Variants in OAS1 observed in about 807,000 individuals in gnomAD.
The protein encoded by OAS1 is 2'-5'-oligoadenylate synthase 1.
A neutral mutation model predicts 38.5 loss-of-function variants in OAS1; 24 were observed. The ratio of observed to expected loss-of-function variants is 0.62; its 90% CI spans 0.45 to 0.88. The LOEUF (loss-of-function observed/expected upper bound fraction) is 0.88, where lower values mean the gene tolerates loss of function less well. Among genes scored for constraint, OAS1 ranks in the 40% least tolerant of loss-of-function variants. The probability of loss-of-function intolerance (pLI) is 0.00; values close to 1 mark genes in which losing one functional copy is unlikely to be tolerated. For synonymous variants in OAS1, 169 were observed against 193.9 expected (o/e 0.87, Z 1.07); for missense variants, 482 against 493.9 (o/e 0.98, Z 0.23).
At chr12:112,926,836 T>C (rs1184564256) in intron 6 of OAS1, among the ~76,000 whole-genome samples, 1 of 152,164 alleles carries the variant, frequency 6.6e-6, no homozygotes, top group Admixed American at 6.5e-5. Context: ...GCGTGTTTCA[T>C]CCCTTATCTG....
At chr12:112,925,415 T>A (rs188567118) in intron 6 of OAS1, among the ~76,000 whole-genome samples, 418 of 152,278 alleles carry the variant, frequency 2.7e-3, no homozygotes, top group Non-Finnish European at 4.3e-3. Flanking sequence ...TTCAGGCAGA[T>A]CAAACCCAGG....
intron 5 of OAS1, chr12:112,918,278 G>A: frequency 5.4e-6 from 1 of 185,402 alleles, no homozygotes; most frequent in Non-Finnish European, 1.1e-5. Flanking sequence ...TCTGTTTCTG[G>A]GTTAATTCAC....
At chr12:112,907,386 C>G (rs1331969958) in intron 1 of OAS1, among the ~76,000 whole-genome samples, 167 bp downstream of exon 1, 1 of 152,200 alleles carries the variant, frequency 6.6e-6, no homozygotes, top group East Asian at 1.9e-4. Flanking sequence ...TTTATCCACA[C>G]AGCATGTTAA....
intron 5 of OAS1, chr12:112,918,291 C>T (rs935986265): frequency 1.1e-4 from 21 of 184,812 alleles, no homozygotes; most frequent in Non-Finnish European, 1.8e-4. Context: ...TAATTCACTT[C>T]GGATAATGGC....
intron 3 of OAS1, among the ~76,000 whole-genome samples, chr12:112,914,079 C>T (rs934678405): frequency 2.0e-5 from 3 of 152,132 alleles, no homozygotes; most frequent in African/African-American, 7.2e-5. Flanking sequence ...TCTTTTAACC[C>T]TTGCCACACC....
intron 2 of OAS1, among the ~76,000 whole-genome samples, chr12:112,909,666 T>A (rs2043348955): frequency 6.6e-6 from 1 of 152,136 alleles, no homozygotes; most frequent in African/African-American, 2.4e-5. Flanking sequence ...CAAGACCCTG[T>A]CTCAATCAAT....
At chr12:112,907,333 G>A in intron 1 of OAS1, 114 bp downstream of exon 1, 1 of 984,698 alleles carries the variant, frequency 1.0e-6, no homozygotes, top group African/African-American at 1.6e-5. Flanking sequence ...GGGTGCAAAT[G>A]TGAGTACAGA....
chr12:112,910,729 G>A (rs769425961), intron 2 of OAS1, among the ~76,000 whole-genome samples: 12 of 152,172 alleles, frequency 7.9e-5, no homozygotes, highest in Admixed American at 4.6e-4. Flanking sequence ...AGATCTTTGG[G>A]TTTTAAAATT....
At chr12:112,922,496 C>T (rs1016461856), downstream of OAS1, among the ~76,000 whole-genome samples, 6 of 152,138 alleles carry the variant, frequency 3.9e-5, no homozygotes, top group African/African-American at 1.2e-4. Context: ...CCAACCTCAC[C>T]ATTCATTATA....
At chr12:112,920,863 G>T (rs368588975), downstream of OAS1, among the ~76,000 whole-genome samples, 15 of 152,296 alleles carry the variant, frequency 9.8e-5, no homozygotes, top group Admixed American at 2.6e-4. Context: ...ATAATATTAA[G>T]TGGAATAACT....
At chr12:112,918,690 C>T (rs1025715710) in intron 5 of OAS1, 1 of 455,468 alleles carries the variant, frequency 2.2e-6, no homozygotes, top group Admixed American at 2.4e-5. Flanking sequence ...GACTCTAAAG[C>T]CAGTGCTCAT....
chr12:112,909,492 C>G (rs768760212), intron 2 of OAS1, among the ~76,000 whole-genome samples: 15 of 152,202 alleles, frequency 9.9e-5, no homozygotes, highest in Non-Finnish European at 1.9e-4. Context: ...AACCTCATCT[C>G]TACTAAAAAT....
intron 6 of OAS1, among the ~76,000 whole-genome samples, chr12:112,927,170 G>T (rs1459587596): frequency 6.6e-6 from 1 of 152,182 alleles, no homozygotes; most frequent in African/African-American, 2.4e-5. Flanking sequence ...AGGGTCCTGA[G>T]GCAACATACA....
intron 6 of OAS1, among the ~76,000 whole-genome samples, chr12:112,926,321 T>C (rs17238020): frequency 0.029 from 4,428 of 152,228 alleles, 97 homozygotes; most frequent in Non-Finnish European, 0.04. Flanking sequence ...AATGCATGTA[T>C]TTGAGGAGTA....
chr12:112,923,901 CA>C (rs35847220), downstream of OAS1, among the ~76,000 whole-genome samples: 113,154 of 152,132 alleles, frequency 0.74, 43,381 homozygotes, highest in African/African-American at 0.94. Context: ...ACAGCATACA[CA>C]AAAATCAACT....
rs1189198158 is a variant in OAS1, at chr12:112,919,522, C to A, written c.1172C>A (p.Ala391Glu). The A allele has an allele frequency of 4.3e-6, 7 of 1,614,236 alleles. No homozygotes were observed. The highest frequency in any genetic ancestry group is 1.7e-5 in the Admixed American group (1 of 60,036). The change falls in exon 6 of 6, where the codon GCA becomes GAA. Residue 391 changes from alanine to glutamate, a missense_variant. Transcript: ENST00000202917. ...STLQAASTPQ[A>E]EEDWTCTIL Reference sequence around the variant, plus strand: ...CTCCAGGCAGCATCCACCCCACAGGCAGAAGAGGACTGGACCTGCACCATC... The same window carrying A: ...CTCCAGGCAGCATCCACCCCACAGGAAGAAGAGGACTGGACCTGCACCATC...
Position 112,917,618 on chromosome 12 carries a change from T to C in OAS1, c.956T>C (p.Leu319Pro). ...GGGDPKGWRQ[L>P]AQEAEAWLNY... The stretch of plus-strand genomic sequence containing the variant: ...GGAGACCCAAAGGGTTGGAGGCAGC[T>C]GGCACAAGAGGCTGAGGCCTGGCTG... Residue 319 changes from leucine to proline, a missense_variant, in exon 5 of 6, where the codon CTG (leucine) becomes CCG (proline). Coordinates refer to ENST00000202917, the MANE Select transcript of OAS1 (RefSeq NM_016816.4). 4.3e-6 allele frequency: 7 copies of C among 1,614,196 alleles called. No homozygotes were observed. Among genetic ancestry groups the C allele is most frequent in the Non-Finnish European group, 5.9e-6 (7 of 1,180,034 alleles).
intron 5 of OAS1, 116 bp from the exon 6 acceptor site, chr12:112,919,273 T>A: frequency 1.0e-6 from 1 of 973,540 alleles, no homozygotes; most frequent in African/African-American, 1.6e-5. Flanking sequence ...GGCTTGTTAG[T>A]CCTTCCTCAA....
Position 112,919,717 on chromosome 12 carries a change from TC to T in OAS1, c.*166del, listed in dbSNP as rs749557215. ...GACTCCTGGCCTTCTATGCCCTCTA[TC>T]CTATCATAGATAACATTCTCCACAG... On this transcript the variant is annotated 3_prime_UTR_variant, in exon 6 of 6. Coordinates refer to ENST00000202917, the MANE Select transcript of OAS1 (RefSeq NM_016816.4). 60 of 1,514,304 alleles carry T rather than the reference TC, an allele frequency of 4.0e-5. 1 individual carries two copies. In the South Asian group the frequency reaches 6.4e-4, roughly 16 times the overall value. The allele number at this position is 1,514,304 out of a possible 1,614,324, so 93.8% of individuals were successfully genotyped here. A position where few individuals can be genotyped will look rare whatever the true frequency, so the allele number is the denominator to read the frequency against.
Sources: gnomAD v4.1 joint callset for allele counts (sites outside exome capture counted in the v4.1 genomes callset) on GRCh38, gnomAD v4.1.1 for gene constraint, MANE v1.5 for transcripts, NCBI Gene and HGNC (gene_info 2026-07-23, HGNC 2026-07-21) for gene names.